Variants in EDRF1 observed in about 807,000 individuals in gnomAD.
EDRF1 encodes the protein erythroid differentiation-related factor 1.
A neutral mutation model predicts 148.7 loss-of-function variants in EDRF1; 69 were observed. The observed-to-expected ratio is 0.46, with a 90% CI of 0.38 to 0.57. The LOEUF is 0.57. EDRF1 is among the 20% of genes least tolerant of loss of function. The pLI, the probability that EDRF1 is intolerant of heterozygous loss-of-function variation, is 0.00. For synonymous variants in EDRF1, 515 were observed against 532.8 expected (o/e 0.97, Z 0.46); for missense variants, 1,118 against 1,478.7 (o/e 0.76, Z 4.00).
chr10:125,719,760 T>C lies in EDRF1; in HGVS notation c.-48T>C, dbSNP rs1189706149. ...CCCTGCTTTGGGCCTGCGTTGCTGC[T>C]GCTGCTCCTCCGCTCCCCCGTCGTA... On this transcript the variant is annotated 5_prime_UTR_variant, in exon 1 of 25. Transcript: ENST00000356792. 1.3e-6 allele frequency: 2 copies of C among 1,508,430 alleles called. No individual in the cohort carries two copies. The highest frequency in any genetic ancestry group is 1.8e-6 in the Non-Finnish European group (2 of 1,102,788). 93.4% of individuals were successfully genotyped at this position (1,508,430 alleles called of 1,614,324 possible).
At chr10:125,755,601 A>G (rs1439347710) in intron 24 of EDRF1, among the ~76,000 whole-genome samples, 3 of 152,230 alleles carry the variant, frequency 2.0e-5, no homozygotes, top group Non-Finnish European at 4.4e-5. Flanking sequence ...AGTAGAATTT[A>G]CCAGTAAAAC....
intron 18 of EDRF1, among the ~76,000 whole-genome samples, chr10:125,743,937 G>C (rs1849178723): frequency 1.3e-5 from 2 of 152,152 alleles, no homozygotes; most frequent in Non-Finnish European, 2.9e-5. Flanking sequence ...GTGTAAGTAA[G>C]ATGTGAGATG....
In EDRF1 at chr10:125,735,688, G is replaced by A; in HGVS notation, c.1542G>A (p.Leu514=). The change falls in exon 13 of 25, where the codon TTG becomes TTA. Residue 514 remains leucine (L), a synonymous_variant. Transcript: ENST00000356792. ...ANYMLSELFQ[L]DEPKKEENSE... ...ACATGCTTTCAGAACTTTTTCAATT[G>A]GATGAACCTAAAAAGGAAGAAAATT... 6.2e-7 allele frequency: 1 copy of A among 1,613,074 alleles called. No homozygotes were observed. The highest frequency in any genetic ancestry group is 8.5e-7 in the Non-Finnish European group (1 of 1,179,360).
chr10:125,747,227 A>AT, intron 19 of EDRF1: 1 of 293,538 alleles, frequency 3.4e-6, no homozygotes, highest in South Asian at 4.9e-5. Context: ...TCATTTAGAA[A>AT]GAAAAAAAAA....
intron 22 of EDRF1, among the ~76,000 whole-genome samples, chr10:125,751,404 G>GTTTTTTTTTTTT (rs60964364): frequency 2.8e-5 from 4 of 140,700 alleles, no homozygotes; most frequent in Non-Finnish European, 3.0e-5. Context: ...TTTACCCAGT[G>GTTTTTTTTTTTT]TTTTTTTTTT....
chr10:125,742,113 A>G, intron 17 of EDRF1: 2 of 790,822 alleles, frequency 2.5e-6, no homozygotes, highest in South Asian at 3.0e-5. Flanking sequence ...GAGGTTAATT[A>G]ACCTTCTGAA....
rs942761524 is a variant in EDRF1 at position 125,743,965 on chromosome 10, A to G, written c.2590+689A>G. Among the ~76,000 whole-genome samples, 7 of 152,164 alleles carry G rather than the reference A, an allele frequency of 4.6e-5. No homozygotes were observed. In the South Asian group the frequency reaches 6.2e-4, roughly 13 times the overall value. On this transcript the variant is annotated intron_variant, in intron 18 of 24. Coordinates refer to ENST00000356792, the MANE Select transcript of EDRF1 (RefSeq NM_001202438.2). Reference sequence around the variant, plus strand: ...GTGAGATGGTAAACCATTTGGGCCCATGTTGAATTTGAGTTCACTATGGAA... The same window carrying G: ...GTGAGATGGTAAACCATTTGGGCCCGTGTTGAATTTGAGTTCACTATGGAA...
chr10:125,753,840 A>C lies in EDRF1; in HGVS notation c.3540A>C (p.Lys1180Asn). 6.2e-7 allele frequency: 1 copy of C among 1,612,690 alleles called. No homozygotes were observed. Among genetic ancestry groups the C allele is most frequent in the Non-Finnish European group, 8.5e-7 (1 of 1,179,924 alleles). ...SIKLLSSTKK[K>N]TSNNIEDDTI... is the part of the protein sequence containing the mutation. ...AACTGCTATCTTCAACTAAAAAGAAAACAAGGTAAATTAAGTGGTTATTTG... is the reference window on the plus strand; with the variant it reads ...AACTGCTATCTTCAACTAAAAAGAACACAAGGTAAATTAAGTGGTTATTTG... The change falls in exon 24 of 25, where the codon AAA becomes AAC. Residue 1180 changes from lysine to asparagine, a missense_variant. This residue lies in a region of EDRF1 where 954 missense variants were observed against 1,241.4 expected (regional missense o/e 0.77). Coordinates refer to ENST00000356792, the MANE Select transcript of EDRF1 (RefSeq NM_001202438.2).
At chr10:125,757,152 T>A (rs1849944849) in intron 24 of EDRF1, 2 of 253,128 alleles carry the variant, frequency 7.9e-6, no homozygotes, top group Non-Finnish European at 1.6e-5. Flanking sequence ...ACAATTGGTG[T>A]CTCTAGACCA....
chr10:125,733,626 T>A lies in EDRF1; in HGVS notation c.1277-9T>A. 6.2e-7 allele frequency: 1 copy of A among 1,613,426 alleles called. No individual in the cohort carries two copies. The highest frequency in any genetic ancestry group is 8.5e-7 in the Non-Finnish European group (1 of 1,179,440). The stretch of plus-strand genomic sequence containing the variant: ...CTGTGAAATGAGTCTTCTTTGTTTT[T>A]CTTTTCAGCAAGTGGCAGCGATATA... On this transcript the variant is annotated splice_polypyrimidine_tract_variant and intron_variant, in intron 10 of 24. Transcript: ENST00000356792.
chr10:125,742,345 G>A, intron 17 of EDRF1: 1 of 1,253,242 alleles, frequency 8.0e-7, no homozygotes, highest in East Asian at 5.9e-5. Context: ...GTCTTCTGAA[G>A]GTGCTTCTGT....
Position 125,729,385 on chromosome 10 carries a change from A to C in EDRF1, c.922A>C (p.Ile308Leu), listed in dbSNP as rs770609154. ...TCTTAAAAATGATTTTGTTCGGAAT[A>C]TTCTATGGACATTTGAAGATATCCA... ...QGLKNDFVRN[I>L]LWTFEDIHML... The change falls in exon 8 of 25, where the codon ATT becomes CTT. Residue 308 changes from isoleucine (I) to leucine (L), a missense_variant. Physicochemically the swap from Ile to Leu is conservative, Grantham distance 5. Around this residue, in one of 3 missense-constraint regions of EDRF1, gnomAD observed 954 missense variants for 1,241.4 expected, o/e 0.77. Coordinates refer to ENST00000356792, the MANE Select transcript of EDRF1 (RefSeq NM_001202438.2). The C allele has an allele frequency of 6.2e-7, 1 of 1,613,756 alleles. No homozygotes were observed. Among genetic ancestry groups the C allele is most frequent in the Non-Finnish European group, 8.5e-7 (1 of 1,179,672 alleles).
chr10:125,730,020 C>G (rs776503186), intron 8 of EDRF1, among the ~76,000 whole-genome samples: 3 of 152,218 alleles, frequency 2.0e-5, no homozygotes, highest in Non-Finnish European at 4.4e-5. Flanking sequence ...AGGCAGTAGG[C>G]TCACCGTCCT....
intron 7 of EDRF1, 89 bp downstream of exon 7, chr10:125,729,193 A>G (rs893087195): frequency 5.2e-5 from 76 of 1,459,838 alleles, no homozygotes; most frequent in Middle Eastern, 1.7e-4. Context: ...TGATAGGGAA[A>G]AACTCCACTT....
chr10:125,747,624 C>T lies in EDRF1; in HGVS notation c.2903C>T (p.Ser968Phe). ...TGGGATTCAGTGAACTGGGAATTGT[C>T]CACTACTTACTTTACTATGGCAACT... ...AVWDSVNWELSTTYFTMATLQ... is the reference protein window; with the variant it reads ...AVWDSVNWELFTTYFTMATLQ... Residue 968 changes from serine (S) to phenylalanine (F), a missense_variant, in exon 20 of 25, where the codon TCC becomes TTC. This residue lies in a region of EDRF1 where 954 missense variants were observed against 1,241.4 expected (regional missense o/e 0.77). Transcript: ENST00000356792. 6.2e-7 allele frequency: 1 copy of T among 1,614,082 alleles called. No homozygotes were observed. Among genetic ancestry groups the T allele is most frequent in the Non-Finnish European group, 8.5e-7 (1 of 1,179,960 alleles).
intron 24 of EDRF1, chr10:125,761,293 G>A: frequency 3.0e-6 from 1 of 331,540 alleles, no homozygotes; most frequent in South Asian, 2.4e-5. Context: ...AATTCTAGCA[G>A]TAGCAGTTTG....
chr10:125,743,421 A>T lies in EDRF1; in HGVS notation c.2590+145A>T. 2.0e-5 allele frequency: 14 copies of T among 693,890 alleles called. 1 individual carries two copies. The South Asian group carries it at 2.3e-4, about 11-fold the overall frequency. 43.0% of individuals were successfully genotyped at this position (693,890 alleles called of 1,614,324 possible). On this transcript the variant is annotated intron_variant, in intron 18 of 24. Transcript: ENST00000356792. ...AGAGAACCTCTTATTATTCTTAAGA[A>T]ATAGAATTAGGAACACATGATTTTC...
intron 13 of EDRF1, among the ~76,000 whole-genome samples, chr10:125,737,375 G>A (rs1848793113): frequency 6.6e-6 from 1 of 152,102 alleles, no homozygotes; most frequent in Non-Finnish European, 1.5e-5. Flanking sequence ...GTCAGCATGA[G>A]CTCCAGGGTC....
chr10:125,725,914 A>G, intron 6 of EDRF1, 76 bp downstream of exon 6: 1 of 1,499,634 alleles, frequency 6.7e-7, no homozygotes, highest in Non-Finnish European at 9.1e-7. Flanking sequence ...TAAAAAAAAA[A>G]AAAGATGAAC....
Sources: gnomAD v4.1 joint callset for allele counts (sites outside exome capture counted in the v4.1 genomes callset) on GRCh38, gnomAD v4.1.1 for gene constraint, gnomAD v4.1.1 regional missense constraint, MANE v1.5 for transcripts, NCBI Gene and HGNC (gene_info 2026-07-23, HGNC 2026-07-21) for gene names.